ITGA9: variants seen among roughly 807,000 people sequenced by gnomAD.
ITGA9 encodes integrin alpha-9.
In ITGA9, 56 loss-of-function variants were observed where a neutral mutation model predicts 127.8. The observed-to-expected ratio is 0.44, with a 90% CI of 0.35 to 0.55. The LOEUF (loss-of-function observed/expected upper bound fraction) is 0.55, where lower values mean the gene tolerates loss of function less well. ITGA9 is among the 20% of genes least tolerant of loss of function. The pLI is 0.00. For missense variants in ITGA9, 1,196 were observed against 1,347.1 expected, an observed-to-expected ratio of 0.89 and a Z score of 1.76; for synonymous variants, 508 against 514.5, an observed-to-expected ratio of 0.99 and a Z score of 0.17.
intron 14 of ITGA9, among the ~76,000 whole-genome samples, chr3:37,541,880 C>T (rs1426321978): frequency 2.0e-5 from 3 of 152,182 alleles, no homozygotes; most frequent in Middle Eastern, 3.2e-3. Context: ...GCTCAGTAAA[C>T]GATGGCGGGC....
chr3:37,562,242 T>C (rs1699498903), intron 15 of ITGA9, among the ~76,000 whole-genome samples: 1 of 152,154 alleles, frequency 6.6e-6, no homozygotes, highest in African/African-American at 2.4e-5. Flanking sequence ...TCTACCTCCA[T>C]GTAATCACAC....
At chr3:37,686,701 TC>T in intron 18 of ITGA9, among the ~76,000 whole-genome samples, 1 of 151,838 alleles carries the variant, frequency 6.6e-6, no homozygotes, top group East Asian at 1.9e-4. Flanking sequence ...GAGTGTTAGC[TC>T]CAGAGTGGTG....
intron 26 of ITGA9, among the ~76,000 whole-genome samples, chr3:37,800,232 T>A (rs1317845311): frequency 1.3e-5 from 2 of 152,204 alleles, no homozygotes; most frequent in Admixed American, 1.3e-4. Flanking sequence ...TAAGAAGCCA[T>A]CTGGGTTAGC....
chr3:37,600,078 G>A (rs1285881888), intron 15 of ITGA9, among the ~76,000 whole-genome samples: 1 of 152,210 alleles, frequency 6.6e-6, no homozygotes, highest in East Asian at 1.9e-4. Flanking sequence ...GAGGCTTTCA[G>A]TAAACAGAAG....
intron 17 of ITGA9, among the ~76,000 whole-genome samples, chr3:37,672,039 A>C (rs1274338050): frequency 6.6e-6 from 1 of 152,186 alleles, no homozygotes. Context: ...GAATGCAGAC[A>C]AGTATCCAGA....
In ITGA9 at chr3:37,511,962, CTCTTTCTTTTCTTTTCTTTTCTTTTCTTT is replaced by C. The variant is rs1400500049; in HGVS notation, c.898-1795_898-1767del. On this transcript the variant is annotated intron_variant, in intron 8 of 27. Transcript: ENST00000264741. ...TTATTTTAAAAGAATAATGCTTTTT[CTCTTTCTTTTCTTTTCTTTTCTTTTCTTT>C]TCTTTTCTTTTCTTTTCTTTTCTTT... Among the ~76,000 whole-genome samples, 32 of 93,482 alleles carry C rather than the reference CTCTTTCTTTTCTTTTCTTTTCTTTTCTTT, an allele frequency of 3.4e-4. 8 individuals carry two copies. Among genetic ancestry groups the C allele is most frequent in the South Asian group, 2.1e-3 (5 of 2,424 alleles). The allele number at this position is 93,482 out of a possible 152,430, so 61.3% of individuals were successfully genotyped here. A position where few individuals can be genotyped will look rare whatever the true frequency, so the allele number is the denominator to read the frequency against.
At chr3:37,561,585 C>T (rs1340971056) in intron 15 of ITGA9, among the ~76,000 whole-genome samples, 4 of 152,152 alleles carry the variant, frequency 2.6e-5, no homozygotes, top group Admixed American at 2.0e-4. Flanking sequence ...GTTTCTAGAG[C>T]CCAAGCTCCA....
At chr3:37,664,420 CTTTTT>C (rs35312679) in intron 17 of ITGA9, among the ~76,000 whole-genome samples, 1 of 114,928 alleles carries the variant, frequency 8.7e-6, no homozygotes, top group Non-Finnish European at 1.7e-5. Flanking sequence ...TCAGCACATT[CTTTTT>C]TTTTTTTTTT....
intron 4 of ITGA9, among the ~76,000 whole-genome samples, chr3:37,483,144 G>T: frequency 6.6e-6 from 1 of 152,184 alleles, no homozygotes; most frequent in Admixed American, 6.5e-5. Context: ...TACTAGTTAT[G>T]CATAGGACCA....
chr3:37,525,942 T>TC, intron 12 of ITGA9, 84 bp from the exon 13 acceptor site: 1 of 1,121,598 alleles, frequency 8.9e-7, no homozygotes, highest in Non-Finnish European at 1.4e-6. Context: ...AGGCTGGGTC[T>TC]CCATCCTTGT....
chr3:37,623,263 A>AT (rs1220801830), intron 15 of ITGA9, among the ~76,000 whole-genome samples: 2 of 152,238 alleles, frequency 1.3e-5, no homozygotes, highest in Admixed American at 1.3e-4. Flanking sequence ...TGTGGCGTAC[A>AT]GTAAACATAC....
rs1700192423 is a variant in ITGA9, at chr3:37,627,984, C to A, written c.1690-1203C>A. On this transcript the variant is annotated intron_variant, in intron 15 of 27. Transcript: ENST00000264741. ...GTCGGGGAGGGGTGGGAGCAAATTC[C>A]TCCCCGTGTGCCTCCTGGGGCCTTT... Among the ~76,000 whole-genome samples, 3 of 152,250 alleles carry A rather than the reference C, an allele frequency of 2.0e-5. No homozygotes were observed. The South Asian group carries it at 6.2e-4, about 32-fold the overall frequency.
chr3:37,669,382 T>C (rs1181822495), intron 17 of ITGA9, among the ~76,000 whole-genome samples: 2 of 152,178 alleles, frequency 1.3e-5, no homozygotes, highest in East Asian at 3.9e-4. Flanking sequence ...TGAGGCTAGA[T>C]TCCCCCTGTG....
chr3:37,511,964 CTTTCTTTTCTTTTCT>C lies in ITGA9; in HGVS notation c.898-1746_898-1732del, dbSNP rs530231188. On this transcript the variant is annotated intron_variant, in intron 8 of 27. Coordinates refer to ENST00000264741, the MANE Select transcript of ITGA9 (RefSeq NM_002207.3). ...ATTTTAAAAGAATAATGCTTTTTCTCTTTCTTTTCTTTTCTTTTCTTTTCTTTTCTTTTCTTTTCT... is the reference window on the plus strand; with the variant it reads ...ATTTTAAAAGAATAATGCTTTTTCTCTTTCTTTTCTTTTCTTTTCTTTTCT... Among the ~76,000 whole-genome samples, 507 of 87,968 alleles carry C rather than the reference CTTTCTTTTCTTTTCT, an allele frequency of 5.8e-3. 20 individuals are homozygous for C. The highest frequency in any genetic ancestry group is 9.6e-3 in the African/African-American group (208 of 21,752). 57.7% of individuals were successfully genotyped at this position (87,968 alleles called of 152,430 possible).
intron 18 of ITGA9, among the ~76,000 whole-genome samples, chr3:37,712,248 C>T (rs1701087299): frequency 6.6e-6 from 1 of 152,158 alleles, no homozygotes. Context: ...CAGGTGACCA[C>T]AGAGGGTCCC....
chr3:37,710,409 C>T (rs564447269), intron 18 of ITGA9, among the ~76,000 whole-genome samples: 1 of 51,344 alleles, frequency 1.9e-5, no homozygotes, highest in African/African-American at 5.6e-5. Context: ...ATCCCCCCCC[C>T]ACACACATAA....
chr3:37,603,795 T>C (rs1699943561), intron 15 of ITGA9, among the ~76,000 whole-genome samples: 1 of 152,126 alleles, frequency 6.6e-6, no homozygotes, highest in Admixed American at 6.5e-5. Flanking sequence ...CTCAGAAAGG[T>C]TCAATTCCTC....
intron 13 of ITGA9, among the ~76,000 whole-genome samples, chr3:37,528,467 A>G (rs936894555): frequency 6.6e-6 from 1 of 152,196 alleles, no homozygotes; most frequent in Admixed American, 6.5e-5. Context: ...TGGAAGGCCC[A>G]AGAAGAGTGG....
intron 16 of ITGA9, among the ~76,000 whole-genome samples, chr3:37,637,964 TGCCC>T (rs1451189884): frequency 6.6e-6 from 1 of 152,152 alleles, no homozygotes; most frequent in Non-Finnish European, 1.5e-5. Flanking sequence ...TGAGCCACCG[TGCCC>T]GGCCAGCAAT....
Sources: gnomAD v4.1 joint callset for allele counts (sites outside exome capture counted in the v4.1 genomes callset) on GRCh38, gnomAD v4.1.1 for gene constraint, MANE v1.5 for transcripts, NCBI Gene and HGNC (gene_info 2026-07-23, HGNC 2026-07-21) for gene names.